GRK4: variants seen among roughly 807,000 people sequenced by gnomAD.
The protein encoded by GRK4 is G protein-coupled receptor kinase 2-like.
In GRK4, 73 loss-of-function variants were observed where a neutral mutation model predicts 77.9. The observed-to-expected ratio is 0.94, with a 90% CI of 0.78 to 1.14. The LOEUF is 1.14. Among genes scored for constraint, GRK4 ranks in the 50% most tolerant of loss-of-function variants. GRK4 has a pLI of 0.00. For synonymous variants in GRK4, 257 were observed against 254.4 expected, an observed-to-expected ratio of 1.01 and a Z score of -0.10; for missense variants, 729 against 700.2, an observed-to-expected ratio of 1.04 and a Z score of -0.46.
At chr4:3,025,992 G>T (rs1007745251) in intron 10 of GRK4, among the ~76,000 whole-genome samples, 1 of 152,250 alleles carries the variant, frequency 6.6e-6, no homozygotes, top group African/African-American at 2.4e-5. Context: ...TCCGTCTGCT[G>T]TGCCTCCTGC....
chr4:3,023,430 G>T (rs1736607804), intron 10 of GRK4, among the ~76,000 whole-genome samples: 1 of 152,214 alleles, frequency 6.6e-6, no homozygotes, highest in African/African-American at 2.4e-5. Context: ...AGTGGCTCCT[G>T]CCGAGAAGAG....
At chr4:2,988,995 C>T (rs1326104322) in intron 3 of GRK4, among the ~76,000 whole-genome samples, 156 bp downstream of exon 3, 1 of 152,030 alleles carries the variant, frequency 6.6e-6, no homozygotes, top group Non-Finnish European at 1.5e-5. Flanking sequence ...CCATCCTGAC[C>T]AACACAGTGA....
chr4:2,985,305 G>A (rs1489192159), intron 2 of GRK4, among the ~76,000 whole-genome samples: 1 of 151,618 alleles, frequency 6.6e-6, no homozygotes, highest in Non-Finnish European at 1.5e-5. Flanking sequence ...GGAGGCTGAG[G>A]CAGGAGAATG....
chr4:3,000,392 C>G (rs1011913410), intron 4 of GRK4, among the ~76,000 whole-genome samples: 8 of 152,066 alleles, frequency 5.3e-5, no homozygotes, highest in Admixed American at 5.2e-4. Context: ...TATTTAGTTT[C>G]AGAAAAATTG....
intron 4 of GRK4, among the ~76,000 whole-genome samples, chr4:3,000,362 T>C (rs1729155193): frequency 6.6e-6 from 1 of 152,182 alleles, no homozygotes; most frequent in Non-Finnish European, 1.5e-5. Context: ...CATTAAACGG[T>C]CTTGATAGAA....
intron 1 of GRK4, among the ~76,000 whole-genome samples, chr4:2,976,242 T>C (rs577374537): frequency 7.9e-5 from 12 of 152,048 alleles, no homozygotes; most frequent in Admixed American, 3.9e-4. Context: ...TGTTTTTTTT[T>C]CCCTCTCTTT....
intron 1 of GRK4, among the ~76,000 whole-genome samples, chr4:2,984,190 A>G (rs1485473441): frequency 6.6e-6 from 1 of 152,198 alleles, no homozygotes; most frequent in African/African-American, 2.4e-5. Flanking sequence ...TACATAGTAG[A>G]TGCTCAATAA....
intron 3 of GRK4, among the ~76,000 whole-genome samples, chr4:2,989,627 C>T (rs1725516332): frequency 6.6e-6 from 1 of 152,098 alleles, no homozygotes; most frequent in Non-Finnish European, 1.5e-5. Context: ...TGTTCGGCTA[C>T]CAGAAAAGTG....
At position 2,964,114 on chromosome 4, in the gene GRK4, C is replaced by T. The variant is rs1434192900; in HGVS notation, c.44C>T (p.Ala15Val). 8 of 1,604,356 alleles carry T rather than the reference C, an allele frequency of 5.0e-6. No homozygotes were observed. The highest frequency in any genetic ancestry group is 4.0e-5 in the African/African-American group (3 of 74,772). ...GTGGCCAACTCGCTGCTGCTGAAAG[C>T]GCGTCAAGGTGGGTGCGCGGCAGGC... ...NIVANSLLLK[A>V]RQGGYGKKSG... The change falls in exon 1 of 16, where the codon GCG (alanine) becomes GTG (valine). Residue 15 changes from alanine (A) to valine (V), a missense_variant. Transcript: ENST00000398052.
chr4:2,973,341 C>T (rs1577959792), intron 1 of GRK4, among the ~76,000 whole-genome samples: 2 of 152,284 alleles, frequency 1.3e-5, no homozygotes, highest in Non-Finnish European at 2.9e-5. Context: ...CTTCTCTATC[C>T]ACACTCATTC....
chr4:2,992,851 G>GC (rs1356838201), intron 4 of GRK4, among the ~76,000 whole-genome samples: 2 of 152,030 alleles, frequency 1.3e-5, no homozygotes, highest in African/African-American at 4.8e-5. Flanking sequence ...AAGCATGGTG[G>GC]CGTGCACCTG....
chr4:2,979,857 G>A (rs1722362453), intron 1 of GRK4, among the ~76,000 whole-genome samples: 1 of 152,224 alleles, frequency 6.6e-6, no homozygotes, highest in South Asian at 2.1e-4. Context: ...CTGGGTGACA[G>A]AGCAAGACCC....
intron 1 of GRK4, among the ~76,000 whole-genome samples, chr4:2,979,112 C>G (rs2109496977): frequency 6.6e-6 from 1 of 151,894 alleles, no homozygotes; most frequent in East Asian, 2.0e-4. Context: ...ATAGTCCCAC[C>G]TACTTGGGAG....
At chr4:2,983,532 C>G (rs182948219) in intron 1 of GRK4, among the ~76,000 whole-genome samples, 177 of 152,300 alleles carry the variant, frequency 1.2e-3, no homozygotes, top group African/African-American at 4.0e-3. Context: ...CCAGCACTTG[C>G]CAAGACTCTG....
chr4:2,998,378 G>T (rs368869510), intron 4 of GRK4, among the ~76,000 whole-genome samples: 1 of 151,900 alleles, frequency 6.6e-6, no homozygotes, highest in African/African-American at 2.4e-5. Context: ...AAAAGAAAAG[G>T]TATTTAGATT....
Position 3,018,771 on chromosome 4 carries a change from G to A in GRK4, c.742-870G>A, listed in dbSNP as rs1431646462. Reference sequence around the variant, plus strand: ...CAGGTGCCTATAATCCCAGCTACTCGGGAGGCTGAGGCAGGAGAATCGCTT... The same window carrying A: ...CAGGTGCCTATAATCCCAGCTACTCAGGAGGCTGAGGCAGGAGAATCGCTT... On this transcript the variant is annotated intron_variant, in intron 8 of 15. Coordinates refer to ENST00000398052, the MANE Select transcript of GRK4 (RefSeq NM_182982.3). 2.6e-5 allele frequency among the ~76,000 whole-genome samples: 4 copies of A among 152,008 alleles called. No homozygotes were observed. In the South Asian group the frequency reaches 6.2e-4, roughly 24 times the overall value.
At chr4:3,014,604 AC>A (rs1560459623) in intron 8 of GRK4, among the ~76,000 whole-genome samples, 2 of 151,796 alleles carry the variant, frequency 1.3e-5, no homozygotes, top group Admixed American at 1.3e-4. Context: ...GACCAGCCTG[AC>A]CAACATGGTG....
intron 4 of GRK4, 93 bp from the exon 5 acceptor site, chr4:3,004,138 G>C: frequency 1.1e-6 from 1 of 927,528 alleles, no homozygotes; most frequent in South Asian, 1.5e-5. Context: ...TATACACTTT[G>C]TGTTTCATTT....
chr4:2,985,109 G>A (rs535628780), intron 2 of GRK4, among the ~76,000 whole-genome samples: 4 of 151,258 alleles, frequency 2.6e-5, no homozygotes, highest in South Asian at 4.3e-4. Flanking sequence ...TTCTATGCAC[G>A]TTTTAAAAAA....
Sources: allele counts gnomAD v4.1 joint callset (sites outside exome capture counted in the v4.1 genomes callset), GRCh38; gene constraint gnomAD v4.1.1; transcripts MANE v1.5; gene names NCBI Gene and HGNC (gene_info 2026-07-23, HGNC 2026-07-21).